Variants in IL1RAPL2 observed in about 807,000 individuals in gnomAD.
IL1RAPL2 encodes the protein interleukin 1 receptor accessory protein like 2.
A neutral mutation model predicts 44.1 loss-of-function variants in IL1RAPL2; 3 were observed. The ratio of observed to expected loss-of-function variants is 0.07; its 90% CI spans 0.03 to 0.18. The LOEUF is 0.18. Among genes scored for constraint, IL1RAPL2 ranks in the 10% least tolerant of loss-of-function variants. The pLI is 1.00. For missense variants in IL1RAPL2, 391 were observed against 496.4 expected (o/e 0.79, Z 2.02); for synonymous variants, 181 against 178.8 (o/e 1.01, Z -0.10).
chrX:105,555,770 T>C (rs2036892516), intron 6 of IL1RAPL2, among the ~76,000 whole-genome samples: 1 of 112,243 alleles, frequency 8.9e-6, no homozygotes, highest in Non-Finnish European at 1.9e-5. Context: ...GATTACAGCT[T>C]CAAATGAGAG....
chrX:105,101,816 A>G (rs1236434240), intron 2 of IL1RAPL2, among the ~76,000 whole-genome samples: 1 of 111,701 alleles, frequency 9.0e-6, no homozygotes, highest in East Asian at 2.8e-4. Context: ...CCCTCTAAAC[A>G]TGTATGTCTA....
intron 2 of IL1RAPL2, among the ~76,000 whole-genome samples, chrX:105,168,029 T>G (rs2033386306): frequency 9.0e-6 from 1 of 111,341 alleles, no homozygotes; most frequent in Non-Finnish European, 1.9e-5. Flanking sequence ...ATCTGATTCT[T>G]AACATTTTTC....
chrX:105,028,358 G>T (rs2031413887), intron 2 of IL1RAPL2, among the ~76,000 whole-genome samples: 1 of 111,578 alleles, frequency 9.0e-6, no homozygotes, highest in Non-Finnish European at 1.9e-5. Flanking sequence ...TAATATAAAA[G>T]ATTAATGCTT....
At chrX:104,658,765 T>G (rs1930328159) in intron 1 of IL1RAPL2, 130 bp from the exon 2 acceptor site, 1 of 449,341 alleles carries the variant, frequency 2.2e-6, no homozygotes, top group Non-Finnish European at 3.9e-6. Flanking sequence ...TTGCAAAAAA[T>G]AAAGCCAGAA....
chrX:105,401,382 C>T (rs1384593710), intron 5 of IL1RAPL2, among the ~76,000 whole-genome samples: 1 of 111,334 alleles, frequency 9.0e-6, no homozygotes, highest in East Asian at 2.8e-4. Flanking sequence ...TGTAGCCTCA[C>T]CATAAGTTTA....
At chrX:105,635,376 T>C (rs1174697694) in intron 6 of IL1RAPL2, among the ~76,000 whole-genome samples, 1 of 111,684 alleles carries the variant, frequency 9.0e-6, no homozygotes, top group Non-Finnish European at 1.9e-5. Flanking sequence ...GAGCCATCAG[T>C]TATGTAAATG....
chrX:104,646,284 G>T (rs1480425861), intron 1 of IL1RAPL2, among the ~76,000 whole-genome samples: 3 of 106,274 alleles, frequency 2.8e-5, no homozygotes, highest in African/African-American at 1.0e-4. Flanking sequence ...TATTCAAGAA[G>T]AATGGATTGC....
intron 10 of IL1RAPL2, among the ~76,000 whole-genome samples, chrX:105,756,205 A>G (rs1162310226): frequency 8.9e-6 from 1 of 112,172 alleles, no homozygotes; most frequent in Non-Finnish European, 1.9e-5. Context: ...ACAAAATAAA[A>G]AGCTTATATT....
rs1489787270 is a variant in IL1RAPL2 at position 105,138,009 on chromosome X, G to A, written c.83-57466G>A. 2.7e-5 allele frequency among the ~76,000 whole-genome samples: 3 copies of A among 112,001 alleles called. No homozygotes were observed. The East Asian group carries it at 8.4e-4, about 32-fold the overall frequency. On this transcript the variant is annotated intron_variant, in intron 2 of 10. Transcript: ENST00000372582. The stretch of plus-strand genomic sequence containing the variant: ...GATCACTTGAGCCCAGGAGATCAAG[G>A]CTGCAATGAGCCATGATTGTGCCAC...
chrX:105,356,389 C>A (rs1052570036), intron 5 of IL1RAPL2, among the ~76,000 whole-genome samples: 3 of 111,553 alleles, frequency 2.7e-5, no homozygotes, highest in Non-Finnish European at 3.8e-5. Context: ...TATCATCAGT[C>A]ATAGATAGTT....
At chrX:105,048,964 T>C (rs1336570323) in intron 2 of IL1RAPL2, among the ~76,000 whole-genome samples, 3 of 111,792 alleles carry the variant, frequency 2.7e-5, no homozygotes, top group African/African-American at 9.8e-5. Flanking sequence ...TCTAAATCAC[T>C]GGCAATTTGT....
At chrX:105,534,743 T>G (rs1477428159) in intron 6 of IL1RAPL2, among the ~76,000 whole-genome samples, 1 of 111,938 alleles carries the variant, frequency 8.9e-6, no homozygotes, top group Admixed American at 9.5e-5. Flanking sequence ...AAGGCAATTC[T>G]ATGTAGAAAG....
intron 2 of IL1RAPL2, among the ~76,000 whole-genome samples, chrX:104,948,644 T>C (rs1925467161): frequency 1.8e-5 from 2 of 111,658 alleles, no homozygotes; most frequent in Non-Finnish European, 3.8e-5. Flanking sequence ...TTGAATTTTG[T>C]CAAAGGCCTT....
chrX:104,644,668 T>C (rs1247558492), intron 1 of IL1RAPL2, among the ~76,000 whole-genome samples: 1 of 110,942 alleles, frequency 9.0e-6, no homozygotes, highest in African/African-American at 3.3e-5. Flanking sequence ...TTCAAGTCCC[T>C]CCTATTCACT....
chrX:104,703,583 T>C (rs757794005), intron 2 of IL1RAPL2, among the ~76,000 whole-genome samples: 119 of 112,138 alleles, frequency 1.1e-3, no homozygotes, highest in African/African-American at 3.8e-3. Flanking sequence ...GTTCTATAAA[T>C]GGATGAGCCC....
intron 5 of IL1RAPL2, among the ~76,000 whole-genome samples, chrX:105,376,539 C>T (rs1220871551): frequency 8.0e-5 from 9 of 112,065 alleles, no homozygotes; most frequent in Non-Finnish European, 7.5e-5. Flanking sequence ...TCTCAAATAT[C>T]TGAGACTTTG....
intron 5 of IL1RAPL2, chrX:105,405,957 T>C (rs919566057): frequency 8.4e-7 from 1 of 1,183,601 alleles, no homozygotes; most frequent in African/African-American, 1.8e-5. Flanking sequence ...AGGAGAATCA[T>C]TTATTGATCC....
At chrX:104,666,397 G>C (rs1372585995) in intron 2 of IL1RAPL2, among the ~76,000 whole-genome samples, 1 of 111,791 alleles carries the variant, frequency 8.9e-6, no homozygotes, top group African/African-American at 3.3e-5. Flanking sequence ...ATTCCATGGG[G>C]GATTTCATCC....
chrX:105,041,802 C>T (rs2031745216), intron 2 of IL1RAPL2, among the ~76,000 whole-genome samples: 2 of 109,965 alleles, frequency 1.8e-5, no homozygotes, highest in Admixed American at 9.7e-5. Flanking sequence ...AAGCTGGAGG[C>T]ATCACGCTAC....
Sources: gnomAD v4.1 joint callset for allele counts (sites outside exome capture counted in the v4.1 genomes callset) on GRCh38, gnomAD v4.1.1 for gene constraint, MANE v1.5 for transcripts, NCBI Gene and HGNC (gene_info 2026-07-23, HGNC 2026-07-21) for gene names.